Variants in BRD10 observed in about 807,000 individuals in gnomAD.
BRD10 encodes bromodomain containing 10.
the BRD10 span, among the ~76,000 whole-genome samples, chr9:5,901,858 C>G: frequency 0.97 from 147,518 of 152,308 alleles, 71,573 homozygotes; most frequent in Non-Finnish European, 0.99. Context: ...GCATACCTGG[C>G]ATAAATCCTA....
chr9:5,980,682 T>TAG, the BRD10 span, among the ~76,000 whole-genome samples: 11 of 151,716 alleles, frequency 7.3e-5, no homozygotes, highest in South Asian at 2.1e-4. Flanking sequence ...TATATGTATA[T>TAG]AGAGAGAGAG....
At chr9:6,005,253 G>A in the BRD10 span, among the ~76,000 whole-genome samples, 1 of 151,654 alleles carries the variant, frequency 6.6e-6, no homozygotes, top group African/African-American at 2.4e-5. Flanking sequence ...GCTAGGGCCT[G>A]TAATCCCAGC....
At chr9:5,920,439 C>A in the BRD10 span, 4 of 1,613,922 alleles carry the variant, frequency 2.5e-6, no homozygotes. Flanking sequence ...GGTGCCGAAG[C>A]CGTGTGAATG....
At chr9:5,908,254 A>G in the BRD10 span, among the ~76,000 whole-genome samples, 8 of 152,222 alleles carry the variant, frequency 5.3e-5, no homozygotes, top group African/African-American at 1.9e-4. Context: ...CTCTTGTTTT[A>G]TATTTGGTAG....
chr9:5,879,951 G>T, the BRD10 span, among the ~76,000 whole-genome samples: 1 of 152,090 alleles, frequency 6.6e-6, no homozygotes, highest in African/African-American at 2.4e-5. Context: ...ACAGAATCTC[G>T]CTCTGTCTCC....
At chr9:5,919,951 A>AG in the BRD10 span, 6 of 1,614,022 alleles carry the variant, frequency 3.7e-6, no homozygotes, top group Non-Finnish European at 5.1e-6. Context: ...AAGATGTCTT[A>AG]GCCAAAAGAG....
the BRD10 span, among the ~76,000 whole-genome samples, chr9:5,911,411 T>TG: frequency 1.3e-5 from 2 of 151,596 alleles, no homozygotes; most frequent in African/African-American, 2.4e-5. Flanking sequence ...GTGTGTTTTT[T>TG]TTTTTTTTTT....
the BRD10 span, chr9:6,008,319 G>A: frequency 1.0e-6 from 1 of 984,932 alleles, no homozygotes. Flanking sequence ...GTGCACGGAC[G>A]GGGCCCGGCG....
chr9:5,941,258 A>T, the BRD10 span, among the ~76,000 whole-genome samples: 71 of 152,320 alleles, frequency 4.7e-4, no homozygotes, highest in Admixed American at 9.8e-4. Context: ...TTTCAGGAAA[A>T]CTAATAAATT....
chr9:5,906,922 CAAG>C, the BRD10 span: 1 of 1,596,106 alleles, frequency 6.3e-7, no homozygotes, highest in Non-Finnish European at 8.5e-7. Context: ...TGTGCCTTAA[CAAG>C]AAGATGCCCA....
At chr9:5,890,040 T>C in the BRD10 span, among the ~76,000 whole-genome samples, 1 of 152,146 alleles carries the variant, frequency 6.6e-6, no homozygotes, top group African/African-American at 2.4e-5. Context: ...TTTTCTTGAT[T>C]ATGAGAGTCT....
chr9:5,924,683 G>A, the BRD10 span: 29 of 1,518,228 alleles, frequency 1.9e-5, no homozygotes, highest in Non-Finnish European at 2.6e-5. Context: ...CTTTCTCCAG[G>A]ATATCCAGAG....
At chr9:5,921,303 GTGA>G in the BRD10 span, 4 of 1,613,886 alleles carry the variant, frequency 2.5e-6, no homozygotes, top group South Asian at 1.1e-5. Flanking sequence ...GACACAGCTG[GTGA>G]TGAATTTATT....
chr9:6,008,403 G>A, the BRD10 span: 3 of 598,590 alleles, frequency 5.0e-6, no homozygotes, highest in Non-Finnish European at 6.3e-6. Flanking sequence ...AAGGGGGAGG[G>A]CACTCAGCCC....
the BRD10 span, among the ~76,000 whole-genome samples, chr9:5,980,571 G>A: frequency 6.6e-6 from 1 of 151,770 alleles, no homozygotes; most frequent in Admixed American, 6.6e-5. Flanking sequence ...AAATGGAATA[G>A]GTAACAAATT....
chr9:5,977,507 A>T, the BRD10 span, among the ~76,000 whole-genome samples: 2 of 152,200 alleles, frequency 1.3e-5, no homozygotes, highest in African/African-American at 2.4e-5. Flanking sequence ...AGCCATTTTT[A>T]AAAAAACTTT....
the BRD10 span, among the ~76,000 whole-genome samples, chr9:5,939,266 GGTTTTATAACATTATATGTA>G: frequency 1.3e-5 from 2 of 151,702 alleles, no homozygotes; most frequent in Non-Finnish European, 2.9e-5. Flanking sequence ...TGTAATAAGT[GGTTTTATAACATTATATGTA>G]GTTTTATAAC....
At chr9:5,977,908 T>C in the BRD10 span, among the ~76,000 whole-genome samples, 2 of 152,154 alleles carry the variant, frequency 1.3e-5, no homozygotes, top group African/African-American at 4.8e-5. Flanking sequence ...CCAGAATTAT[T>C]CTCATTTAAA....
the BRD10 span, among the ~76,000 whole-genome samples, chr9:5,970,800 C>T: frequency 2.0e-5 from 3 of 152,168 alleles, no homozygotes; most frequent in South Asian, 2.1e-4. Context: ...CCTGTAATCC[C>T]AGCATTTTGG....
Sources: allele counts gnomAD v4.1 joint callset (sites outside exome capture counted in the v4.1 genomes callset), GRCh38; gene constraint gnomAD v4.1.1; transcripts MANE v1.5; gene names NCBI Gene and HGNC (gene_info 2026-07-23, HGNC 2026-07-21).